Variants in LARGE1 observed in about 807,000 individuals in gnomAD.
LARGE1 encodes the protein LARGE xylosyl- and glucuronyltransferase 1, also known as xylosyl- and glucuronyltransferase LARGE1.
LARGE1 carries 43 observed loss-of-function variants against 87.6 expected under a neutral mutation model. The observed-to-expected ratio is 0.49, with a 90% confidence interval of 0.38 to 0.63. The LOEUF is 0.63. Among genes scored for constraint, LARGE1 ranks in the 30% least tolerant of loss-of-function variants. The pLI is 0.00. For synonymous variants in LARGE1, 434 were observed against 394.6 expected, an observed-to-expected ratio of 1.10 and a Z score of -1.18; for missense variants, 802 against 1,000.2, an observed-to-expected ratio of 0.80 and a Z score of 2.67.
chr22:33,670,610 C>T (rs935314615), intron 2 of LARGE1, among the ~76,000 whole-genome samples: 4 of 152,130 alleles, frequency 2.6e-5, no homozygotes, highest in Admixed American at 6.5e-5. Flanking sequence ...ACTATTAGCT[C>T]GAGGTAGTTC....
chr22:33,500,769 G>A (rs2070387849), intron 6 of LARGE1, among the ~76,000 whole-genome samples: 1 of 152,204 alleles, frequency 6.6e-6, no homozygotes, highest in South Asian at 2.1e-4. Flanking sequence ...AATCTAATGA[G>A]TGGCATTATC....
chr22:33,252,023 A>G (rs1437431130), intron 11 of LARGE1, among the ~76,000 whole-genome samples: 1 of 152,230 alleles, frequency 6.6e-6, no homozygotes, highest in African/African-American at 2.4e-5. Context: ...GCAACAGAAA[A>G]GAAAGTGACA....
the LARGE1 span, among the ~76,000 whole-genome samples, chr22:33,107,541 C>A: frequency 1.3e-5 from 2 of 148,786 alleles, no homozygotes; most frequent in Admixed American, 1.3e-4. Context: ...GGTTACAGAG[C>A]GAGACTTTGT....
the LARGE1 span, among the ~76,000 whole-genome samples, chr22:33,068,837 A>C: frequency 6.6e-6 from 1 of 152,122 alleles, no homozygotes; most frequent in East Asian, 1.9e-4. Context: ...CAAACCAATC[A>C]AAACACTTGA....
At chr22:33,115,545 A>T in the LARGE1 span, among the ~76,000 whole-genome samples, 2 of 151,470 alleles carry the variant, frequency 1.3e-5, no homozygotes, top group East Asian at 1.9e-4. Flanking sequence ...AGGCCAGGCG[A>T]GGTGGCTCAT....
At chr22:33,391,776 T>C (rs984769938) in intron 7 of LARGE1, among the ~76,000 whole-genome samples, 4 of 148,644 alleles carry the variant, frequency 2.7e-5, no homozygotes, top group African/African-American at 9.9e-5. Flanking sequence ...TTTTTTTTTT[T>C]TTTTTTTTTT....
chr22:33,086,623 G>A, the LARGE1 span, among the ~76,000 whole-genome samples: 2 of 148,938 alleles, frequency 1.3e-5, no homozygotes, highest in African/African-American at 5.0e-5. Flanking sequence ...CGTGATCTTG[G>A]CTCATTGCAA....
chr22:33,795,680 C>A lies in LARGE1; in HGVS notation c.-82-34122G>T, dbSNP rs538478350. Among the ~76,000 whole-genome samples, 110 of 152,146 alleles carry A rather than the reference C, an allele frequency of 7.2e-4. 1 individual carries two copies. The highest frequency in any genetic ancestry group is 2.7e-3 in the African/African-American group (110 of 41,500). Reference sequence around the variant, plus strand: ...ATACACCATGGAATACTATGCAGCCCTAAAAAAGGATGCGTTCAGGGACGT... The same window carrying A: ...ATACACCATGGAATACTATGCAGCCATAAAAAAGGATGCGTTCAGGGACGT... On this transcript the variant is annotated intron_variant, in intron 1 of 14. Transcript: ENST00000397394.
At chr22:33,619,049 C>A (rs2079662483) in intron 4 of LARGE1, among the ~76,000 whole-genome samples, 1 of 152,186 alleles carries the variant, frequency 6.6e-6, no homozygotes, top group Non-Finnish European at 1.5e-5. Context: ...AGGGGGACCA[C>A]CCCGCATCCT....
intron 11 of LARGE1, among the ~76,000 whole-genome samples, chr22:33,244,831 A>C (rs1339667226): frequency 3.9e-5 from 6 of 152,176 alleles, no homozygotes; most frequent in Non-Finnish European, 8.8e-5. Flanking sequence ...AGTGTACGTA[A>C]GGAGGGGGAG....
At chr22:33,409,345 G>A (rs1202292753) in intron 7 of LARGE1, among the ~76,000 whole-genome samples, 1 of 152,164 alleles carries the variant, frequency 6.6e-6, no homozygotes, top group African/African-American at 2.4e-5. Context: ...GGCAGCCCCA[G>A]GGGAAAGCAT....
At chr22:33,388,025 A>G (rs1397148759) in intron 7 of LARGE1, among the ~76,000 whole-genome samples, 1 of 152,146 alleles carries the variant, frequency 6.6e-6, no homozygotes, top group African/African-American at 2.4e-5. Flanking sequence ...TTTATCCTCT[A>G]TGCACATAAT....
intron 11 of LARGE1, among the ~76,000 whole-genome samples, chr22:33,263,320 C>T (rs1035762999): frequency 6.6e-6 from 1 of 152,160 alleles, no homozygotes; most frequent in Non-Finnish European, 1.5e-5. Context: ...ATGAGCAGGA[C>T]CTGGGAATAC....
chr22:33,201,094 A>T (rs914378138), intron 11 of LARGE1, among the ~76,000 whole-genome samples: 1 of 152,168 alleles, frequency 6.6e-6, no homozygotes. Context: ...GGATCACTTG[A>T]GGTCAGGAGT....
intron 2 of LARGE1, among the ~76,000 whole-genome samples, chr22:33,703,495 G>C (rs2082462634): frequency 6.6e-6 from 1 of 152,212 alleles, no homozygotes; most frequent in Admixed American, 6.5e-5. Flanking sequence ...GACTTTGTAG[G>C]TATGATTAAA....
chr22:33,209,162 G>A (rs1924834605), intron 11 of LARGE1, among the ~76,000 whole-genome samples: 1 of 152,200 alleles, frequency 6.6e-6, no homozygotes, highest in Non-Finnish European at 1.5e-5. Flanking sequence ...CTTCCACAGT[G>A]GTTGACAAAA....
the LARGE1 span, among the ~76,000 whole-genome samples, chr22:33,126,341 G>A: frequency 3.3e-5 from 5 of 152,312 alleles, no homozygotes; most frequent in African/African-American, 7.2e-5. Flanking sequence ...CCCTTCTAAC[G>A]TATGATGAAG....
intron 2 of LARGE1, among the ~76,000 whole-genome samples, chr22:33,655,739 A>G (rs1379560455): frequency 1.3e-5 from 2 of 152,168 alleles, no homozygotes; most frequent in East Asian, 1.9e-4. Flanking sequence ...CTTAGCAAGC[A>G]TTTGAGGAAG....
chr22:33,619,361 C>A (rs1359554153), intron 4 of LARGE1, among the ~76,000 whole-genome samples: 1 of 151,976 alleles, frequency 6.6e-6, no homozygotes, highest in African/African-American at 2.4e-5. Context: ...TCGAGACCAG[C>A]CTGGCCAACG....
Sources: allele counts gnomAD v4.1 joint callset (sites outside exome capture counted in the v4.1 genomes callset), GRCh38; gene constraint gnomAD v4.1.1; transcripts MANE v1.5; gene names NCBI Gene and HGNC (gene_info 2026-07-23, HGNC 2026-07-21).